The following HGD variants were observed in gnomAD, a reference collection of about 807,000 sequenced individuals.
HGD encodes homogentisate oxidase.
Under a neutral mutation model 60.8 loss-of-function variants are expected in HGD, and 61 were observed. The ratio of observed to expected loss-of-function variants is 1.00; its 90% confidence interval spans 0.82 to 1.24. The LOEUF is 1.24. HGD is among the 50% of genes most tolerant of loss of function. HGD has a pLI of 0.00. For missense variants in HGD, 542 were observed against 547.1 expected (o/e 0.99, Z 0.09); for synonymous variants, 212 against 187.7 (o/e 1.13, Z -1.06).
chr3:120,644,830 T>C (rs1941111126), intron 9 of HGD, among the ~76,000 whole-genome samples: 1 of 152,210 alleles, frequency 6.6e-6, no homozygotes. Flanking sequence ...TAGAAGTCAT[T>C]GACAGTCCTT....
rs758291793 is a variant in HGD at position 120,633,158 on chromosome 3, C to T, written c.1177G>A (p.Asp393Asn). The change falls in exon 13 of 14, where the codon GAT (aspartate) becomes AAT (asparagine). Residue 393 changes from aspartate to asparagine, a missense_variant. Physicochemically the swap from Asp to Asn is conservative, Grantham distance 23. Coordinates refer to ENST00000283871, the MANE Select transcript of HGD (RefSeq NM_000187.4). ...KVKLAPERIA[D>N]GTMAFMFESS... ...GTTAACATACTTACCATGGTGCCATCGGCAATCCTCTCAGGTGCCAGCTTG... is the reference window on the plus strand; with the variant it reads ...GTTAACATACTTACCATGGTGCCATTGGCAATCCTCTCAGGTGCCAGCTTG... 9 of 1,613,920 alleles carry T rather than the reference C, an allele frequency of 5.6e-6. No homozygotes were observed. Among genetic ancestry groups the T allele is most frequent in the South Asian group, 4.4e-5 (4 of 91,086 alleles).
At chr3:120,628,612 G>A (rs907587911) in intron 13 of HGD, 83 bp from the exon 14 acceptor site, 25 of 1,454,696 alleles carry the variant, frequency 1.7e-5, no homozygotes, top group Non-Finnish European at 2.3e-5. Context: ...CAGAAGGTAT[G>A]GGTAGGTGAA....
chr3:120,638,386 A>G, intron 12 of HGD, 69 bp downstream of exon 12: 1 of 1,589,460 alleles, frequency 6.3e-7, no homozygotes, highest in Non-Finnish European at 8.6e-7. Context: ...CATTATTCCC[A>G]ATGTGTAGCG....
At chr3:120,675,197 A>G (rs904350556) in intron 2 of HGD, among the ~76,000 whole-genome samples, 8 of 152,136 alleles carry the variant, frequency 5.3e-5, no homozygotes, top group Admixed American at 3.3e-4. Context: ...TGTATAAACT[A>G]TATGATAACA....
At chr3:120,679,501 C>T (rs1179905212) in intron 1 of HGD, among the ~76,000 whole-genome samples, 4 of 152,104 alleles carry the variant, frequency 2.6e-5, no homozygotes, top group Non-Finnish European at 5.9e-5. Context: ...TATGGCTTAA[C>T]CCCTGAAACC....
rs758838585 is a variant in HGD, at chr3:120,638,448, G to C, written c.1006+7C>G. The C allele has an allele frequency of 1.2e-6, 2 of 1,613,748 alleles. No individual in the cohort carries two copies. Among genetic ancestry groups the C allele is most frequent in the Admixed American group, 1.7e-5 (1 of 60,006 alleles). On this transcript the variant is annotated splice_region_variant and intron_variant, in intron 12 of 13. Coordinates refer to ENST00000283871, the MANE Select transcript of HGD (RefSeq NM_000187.4). ...TGCAAATGTGGCTTGGTAAAAGAGA[G>C]ACTTACTATGGTAATAAGGAGGCCT...
chr3:120,651,784 C>G (rs867342662), intron 5 of HGD, among the ~76,000 whole-genome samples: 2 of 152,128 alleles, frequency 1.3e-5, no homozygotes, highest in African/African-American at 4.8e-5. Flanking sequence ...TTCCAGTACT[C>G]CTGGGACCTA....
At chr3:120,637,635 T>C (rs1940826465) in intron 12 of HGD, among the ~76,000 whole-genome samples, 1 of 152,134 alleles carries the variant, frequency 6.6e-6, no homozygotes, top group Admixed American at 6.5e-5. Context: ...TCTCTGTCTC[T>C]CTCTTCTTAT....
rs762729811 is a variant in HGD, at chr3:120,670,604, C to G, written c.177-72G>C. On this transcript the variant is annotated intron_variant, in intron 3 of 13. Transcript: ENST00000283871. ...TGAGTGATACACAGAATGGCTCAGG[C>G]AGTACCATCAGGAAGACACTCAAGT... 619 of 870,284 alleles carry G rather than the reference C, an allele frequency of 7.1e-4. 3 individuals carry two copies. In the Middle Eastern group the frequency reaches 9.5e-3, roughly 13 times the overall value. 53.9% of individuals were successfully genotyped at this position (870,284 alleles called of 1,614,324 possible).
At chr3:120,667,411 C>T (rs1248958809) in intron 4 of HGD, among the ~76,000 whole-genome samples, 2 of 147,952 alleles carry the variant, frequency 1.4e-5, no homozygotes, top group Non-Finnish European at 3.0e-5. Context: ...GTCACACGAA[C>T]TCCAAAATAG....
chr3:120,641,519 G>C (rs976494813), intron 11 of HGD, 70 bp downstream of exon 11: 1 of 891,846 alleles, frequency 1.1e-6, no homozygotes, highest in African/African-American at 1.6e-5. Context: ...GTAAATGTCA[G>C]GGGTCTACTG....
At chr3:120,676,013 T>A in intron 1 of HGD, 150 bp from the exon 2 acceptor site, 1 of 720,258 alleles carries the variant, frequency 1.4e-6, no homozygotes, top group Non-Finnish European at 2.5e-6. Context: ...TCTTGACATA[T>A]GAATCATTTA....
At chr3:120,680,720 G>T (rs1708216068) in intron 1 of HGD, among the ~76,000 whole-genome samples, 1 of 152,120 alleles carries the variant, frequency 6.6e-6, no homozygotes. Flanking sequence ...ACCACCGCCT[G>T]GGTATCTCAG....
At position 120,682,117 on chromosome 3, in the gene HGD, C is replaced by G. The variant is rs1006386817; in HGVS notation, c.-6G>C. On this transcript the variant is annotated 5_prime_UTR_variant, in exon 1 of 14. Transcript: ENST00000283871. ...CTTACCTTTAACTCAGCCATTTTCTCTCTCCTCTATGTGTGGTGACTTCAG... is the reference window on the plus strand; with the variant it reads ...CTTACCTTTAACTCAGCCATTTTCTGTCTCCTCTATGTGTGGTGACTTCAG... 3 of 1,614,014 alleles carry G rather than the reference C, an allele frequency of 1.9e-6. No individual in the cohort carries two copies. Among genetic ancestry groups the G allele is most frequent in the Non-Finnish European group, 2.5e-6 (3 of 1,179,884 alleles).
rs925135036 is a variant in HGD, at chr3:120,658,392, C to T, written c.283-5741G>A. Among the ~76,000 whole-genome samples the T allele has an allele frequency of 3.3e-5, 5 of 152,202 alleles. No homozygotes were observed. The East Asian group carries it at 9.6e-4, about 29-fold the overall frequency. On this transcript the variant is annotated intron_variant, in intron 4 of 13. Transcript: ENST00000283871. ...GCAGGGAAGTCATTAAATTTTAAAGCTCCAAAAAAATCTCCTTTGACCTAA... is the reference window on the plus strand; with the variant it reads ...GCAGGGAAGTCATTAAATTTTAAAGTTCCAAAAAAATCTCCTTTGACCTAA...
chr3:120,675,953 T>C (rs1708122670), intron 1 of HGD, 90 bp from the exon 2 acceptor site: 10 of 875,998 alleles, frequency 1.1e-5, no homozygotes, highest in Non-Finnish European at 1.8e-5. Flanking sequence ...AGAATTTCTA[T>C]ATGGACCTAT....
At position 120,675,925 on chromosome 3, in the gene HGD, T is replaced by C. The variant is rs1377668779; in HGVS notation, c.16-62A>G. ...GGATTTAAAGAGCATTTCAGAAAAT[T>C]GGCAGTTTACTAAGGTAAGAATTTC... is the stretch of plus-strand genomic sequence containing the variant. On this transcript the variant is annotated intron_variant, in intron 1 of 13. Coordinates refer to ENST00000283871, the MANE Select transcript of HGD (RefSeq NM_000187.4). The C allele has an allele frequency of 3.7e-6, 5 of 1,335,348 alleles. 1 individual carries two copies. The highest frequency in any genetic ancestry group is 2.3e-5 in the South Asian group (2 of 85,466). The allele number at this position is 1,335,348 out of a possible 1,614,324, so 82.7% of individuals were successfully genotyped here.
chr3:120,661,732 C>T (rs1707772853), intron 4 of HGD, among the ~76,000 whole-genome samples: 1 of 152,174 alleles, frequency 6.6e-6, no homozygotes, highest in South Asian at 2.1e-4. Context: ...GTAAAAAGAG[C>T]TAGCAAGCTG....
intron 8 of HGD, 60 bp from the exon 9 acceptor site, chr3:120,646,426 G>A: frequency 9.3e-7 from 1 of 1,069,648 alleles, no homozygotes; most frequent in Non-Finnish European, 1.5e-6. Context: ...TTATAAAGAA[G>A]CTGCCCAGAG....
Sources: gnomAD v4.1 joint callset for allele counts (sites outside exome capture counted in the v4.1 genomes callset) on GRCh38, gnomAD v4.1.1 for gene constraint, MANE v1.5 for transcripts, NCBI Gene and HGNC (gene_info 2026-07-23, HGNC 2026-07-21) for gene names.